Variants in ASB15 observed in about 807,000 individuals in gnomAD.
The protein encoded by ASB15 is ankyrin repeat and SOCS box protein 15.
In ASB15, 54 loss-of-function variants were observed where a neutral mutation model predicts 58.0. That is an observed-to-expected ratio of 0.93 (90% confidence interval 0.75 to 1.17). ASB15 has a LOEUF of 1.17. ASB15 is among the 50% of genes most tolerant of loss of function. ASB15 has a pLI of 0.00. For missense variants in ASB15, 680 were observed against 707.4 expected (o/e 0.96, Z 0.44); for synonymous variants, 249 against 262.4 (o/e 0.95, Z 0.50).
intron 1 of ASB15, among the ~76,000 whole-genome samples, chr7:123,577,188 TA>T (rs1799090455): frequency 6.6e-6 from 1 of 152,220 alleles, no homozygotes; most frequent in Admixed American, 6.5e-5. Flanking sequence ...AAAGGTTTAC[TA>T]TATCATTGAT....
chr7:123,589,611 G>T (rs1486307049), intron 1 of ASB15, among the ~76,000 whole-genome samples: 1 of 151,990 alleles, frequency 6.6e-6, no homozygotes, highest in African/African-American at 2.4e-5. Context: ...GAGAATGGTG[G>T]TTTCCAGCTT....
chr7:123,612,672 A>G (rs1288445768), intron 3 of ASB15, among the ~76,000 whole-genome samples: 2 of 152,216 alleles, frequency 1.3e-5, no homozygotes, highest in Non-Finnish European at 2.9e-5. Context: ...CAGAGTGAAC[A>G]ATCAAATTTG....
chr7:123,576,977 T>C (rs1213608240), intron 1 of ASB15, among the ~76,000 whole-genome samples: 1 of 152,206 alleles, frequency 6.6e-6, no homozygotes, highest in Non-Finnish European at 1.5e-5. Context: ...AGATGTCAAC[T>C]TTTGCAGCCG....
chr7:123,598,618 T>G (rs1273062303), upstream of ASB15, among the ~76,000 whole-genome samples: 2 of 152,204 alleles, frequency 1.3e-5, no homozygotes, highest in African/African-American at 2.4e-5. Context: ...GAACAAGTCA[T>G]CAGTGTTCAA....
intron 1 of ASB15, among the ~76,000 whole-genome samples, chr7:123,586,275 C>A (rs1005331204): frequency 3.3e-5 from 5 of 151,808 alleles, no homozygotes; most frequent in African/African-American, 1.2e-4. Context: ...GCCTTCCTAA[C>A]AGGTGTGAAG....
At chr7:123,609,805 T>G (rs1456470674) in intron 3 of ASB15, among the ~76,000 whole-genome samples, 1 of 152,240 alleles carries the variant, frequency 6.6e-6, no homozygotes, top group East Asian at 1.9e-4. Context: ...GCATTAGCTC[T>G]GATCATGGTT....
intron 1 of ASB15, among the ~76,000 whole-genome samples, chr7:123,577,257 T>A (rs1799092363): frequency 6.6e-6 from 1 of 152,182 alleles, no homozygotes; most frequent in Non-Finnish European, 1.5e-5. Flanking sequence ...TTTTGCATTT[T>A]ATTACAAAAA....
intron 1 of ASB15, among the ~76,000 whole-genome samples, chr7:123,585,508 T>C (rs1035350856): frequency 3.3e-5 from 5 of 151,826 alleles, no homozygotes; most frequent in African/African-American, 1.2e-4. Context: ...TTTATTGAGG[T>C]ATAATTAATA....
intron 7 of ASB15, among the ~76,000 whole-genome samples, chr7:123,623,532 T>C (rs866454648): frequency 1.3e-5 from 2 of 152,102 alleles, no homozygotes; most frequent in Admixed American, 6.6e-5. Context: ...TTGGCCTATG[T>C]AGATTCTAAA....
chr7:123,587,921 T>C (rs962548512), intron 1 of ASB15, among the ~76,000 whole-genome samples: 2 of 151,852 alleles, frequency 1.3e-5, no homozygotes, highest in African/African-American at 4.8e-5. Flanking sequence ...TTTAATGCAC[T>C]GCTGAATTTG....
chr7:123,568,229 C>A (rs1213694007), intron 1 of ASB15, among the ~76,000 whole-genome samples: 1 of 152,096 alleles, frequency 6.6e-6, no homozygotes, highest in Non-Finnish European at 1.5e-5. Flanking sequence ...AAAATTAAAA[C>A]TGGCTGGGCG....
chr7:123,619,584 C>T (rs915011162), intron 7 of ASB15, among the ~76,000 whole-genome samples: 3 of 152,056 alleles, frequency 2.0e-5, no homozygotes, highest in African/African-American at 2.4e-5. Context: ...AGTGCAGTGG[C>T]GCAATCTCGG....
chr7:123,623,945 A>G (rs1043629897), intron 7 of ASB15, among the ~76,000 whole-genome samples: 2 of 84,554 alleles, frequency 2.4e-5, no homozygotes, highest in African/African-American at 7.9e-5. Context: ...GAAAGAAAGA[A>G]AGAAAGAAAG....
intron 4 of ASB15, 59 bp from the exon 5 acceptor site, chr7:123,616,162 G>C (rs1342931502): frequency 3.8e-6 from 5 of 1,322,600 alleles, no homozygotes; most frequent in Admixed American, 3.9e-5. Context: ...TAAAATGTTT[G>C]GTTCCTTGAA....
At chr7:123,624,206 C>G (rs978130960) in intron 7 of ASB15, among the ~76,000 whole-genome samples, 3 of 152,086 alleles carry the variant, frequency 2.0e-5, no homozygotes, top group African/African-American at 2.4e-5. Context: ...GAGAATTTTA[C>G]ATACATTATT....
chr7:123,638,296 T>C lies in ASB15; in HGVS notation c.*1315T>C, dbSNP rs1235448641. On this transcript the variant is annotated 3_prime_UTR_variant, in exon 12 of 12. Coordinates refer to ENST00000451215, the MANE Select transcript of ASB15 (RefSeq NM_001290258.2). Reference sequence around the variant, plus strand: ...ACTTGAACTTTCATGATCTAACTCCTGCCTTCTTCTTTAGCCTCATCTCTG... The same window carrying C: ...ACTTGAACTTTCATGATCTAACTCCCGCCTTCTTCTTTAGCCTCATCTCTG... The C allele has an allele frequency of 6.6e-6, 1 of 152,190 alleles. No homozygotes were observed. The highest frequency in any genetic ancestry group is 1.5e-5 in the Non-Finnish European group (1 of 68,028). 9.4% of individuals were successfully genotyped at this position (152,190 alleles called of 1,614,324 possible). A position where few individuals can be genotyped will look rare whatever the true frequency, so the allele number is the denominator to read the frequency against.
At chr7:123,574,505 G>A (rs898012118) in intron 1 of ASB15, among the ~76,000 whole-genome samples, 1 of 152,138 alleles carries the variant, frequency 6.6e-6, no homozygotes. Flanking sequence ...TGATGATAAT[G>A]ATAGTGGGCT....
chr7:123,573,715 A>G (rs931944152), intron 1 of ASB15, among the ~76,000 whole-genome samples: 17 of 152,238 alleles, frequency 1.1e-4, no homozygotes, highest in African/African-American at 3.9e-4. Flanking sequence ...CCAGGAGTGG[A>G]GTAAATTTGG....
chr7:123,580,100 G>T (rs1799185265), intron 1 of ASB15, among the ~76,000 whole-genome samples: 1 of 151,986 alleles, frequency 6.6e-6, no homozygotes, highest in East Asian at 1.9e-4. Flanking sequence ...AGATGGAGAA[G>T]GATGGTCTAA....
Sources: gnomAD v4.1 joint callset for allele counts (sites outside exome capture counted in the v4.1 genomes callset) on GRCh38, gnomAD v4.1.1 for gene constraint, MANE v1.5 for transcripts, NCBI Gene and HGNC (gene_info 2026-07-23, HGNC 2026-07-21) for gene names.